Variants in RAE1 observed in about 807,000 individuals in gnomAD.
RAE1 encodes the protein ribonucleic acid export 1, also known as mRNA export factor RAE1.
RAE1 carries 13 observed loss-of-function variants against 52.7 expected under a neutral mutation model. That is an observed-to-expected ratio of 0.25 (90% CI 0.16 to 0.39). The LOEUF (loss-of-function observed/expected upper bound fraction) is 0.39, where lower values mean the gene tolerates loss of function less well. Ranked by LOEUF, RAE1 falls within the 10% of genes least tolerant of loss-of-function variation. The probability of loss-of-function intolerance (pLI) is 1.00; values close to 1 mark genes in which losing one functional copy is unlikely to be tolerated. For missense variants in RAE1, 262 were observed against 459.8 expected (o/e 0.57, Z 3.93); for synonymous variants, 164 against 153.1 (o/e 1.07, Z -0.52).
chr20:57,375,024 AGT>A (rs2146179983), intron 11 of RAE1: 1 of 710,072 alleles, frequency 1.4e-6, no homozygotes, highest in Admixed American at 2.0e-5. Context: ...GTGCTCGGCC[AGT>A]GTGAGCCATT....
chr20:57,366,643 C>G (rs1242678410), intron 5 of RAE1, among the ~76,000 whole-genome samples, 164 bp from the exon 6 acceptor site: 2 of 140,956 alleles, frequency 1.4e-5, no homozygotes, highest in Non-Finnish European at 3.1e-5. Flanking sequence ...CATGCAAACT[C>G]TGTCAGTGAG....
At chr20:57,358,938 T>A in intron 4 of RAE1, 1 of 1,415,910 alleles carries the variant, frequency 7.1e-7, no homozygotes, top group Non-Finnish European at 9.2e-7. Flanking sequence ...GAATTAAAGC[T>A]CCATAAGGTT....
chr20:57,367,532 C>T (rs1262266198), intron 7 of RAE1, among the ~76,000 whole-genome samples: 1 of 151,992 alleles, frequency 6.6e-6, no homozygotes, highest in East Asian at 1.9e-4. Flanking sequence ...TGCTTGAGGT[C>T]AGGAGTTCGA....
chr20:57,368,010 C>T (rs1329593474), intron 7 of RAE1, among the ~76,000 whole-genome samples: 2 of 152,102 alleles, frequency 1.3e-5, no homozygotes, highest in African/African-American at 4.8e-5. Context: ...CTGCTTCAGC[C>T]TCCCGTTAAC....
intron 11 of RAE1, among the ~76,000 whole-genome samples, chr20:57,376,819 C>A (rs546337217): frequency 6.6e-6 from 1 of 152,082 alleles, no homozygotes; most frequent in Non-Finnish European, 1.5e-5. Flanking sequence ...TTAAATGACG[C>A]GGGACTCTAT....
intron 1 of RAE1, 136 bp downstream of exon 1, chr20:57,351,558 C>T (rs961456925): frequency 1.3e-5 from 13 of 985,244 alleles, no homozygotes; most frequent in East Asian, 1.1e-4. Context: ...CGTTACTGGG[C>T]CCTGGAAGCG....
chr20:57,367,428 TG>T (rs956114885), intron 7 of RAE1, among the ~76,000 whole-genome samples: 56 of 152,170 alleles, frequency 3.7e-4, no homozygotes, highest in African/African-American at 1.2e-3. Flanking sequence ...CTTTGGGGAC[TG>T]TTTCTGAGTG....
intron 4 of RAE1, among the ~76,000 whole-genome samples, chr20:57,362,982 T>C (rs1600715920): frequency 1.3e-5 from 2 of 152,264 alleles, no homozygotes; most frequent in East Asian, 1.9e-4. Context: ...GGTTTCGCCA[T>C]GTTGCCGAGA....
chr20:57,351,673 T>A, intron 1 of RAE1: 1 of 985,470 alleles, frequency 1.0e-6, no homozygotes, highest in African/African-American at 1.7e-5. Flanking sequence ...GTTAATGCAG[T>A]GTGTGTCGCC....
chr20:57,361,916 A>G (rs1600714943), intron 4 of RAE1, among the ~76,000 whole-genome samples: 2 of 152,240 alleles, frequency 1.3e-5, no homozygotes, highest in Non-Finnish European at 2.9e-5. Flanking sequence ...CAGGAGGTGA[A>G]TGGTGGGCCA....
intron 10 of RAE1, among the ~76,000 whole-genome samples, chr20:57,374,169 C>G (rs113274343): frequency 6.6e-6 from 1 of 152,178 alleles, no homozygotes; most frequent in Non-Finnish European, 1.5e-5. Flanking sequence ...CGTGAGCCAC[C>G]GCACTTGGCC....
At chr20:57,362,219 T>C (rs191092738) in intron 4 of RAE1, among the ~76,000 whole-genome samples, 165 of 152,374 alleles carry the variant, frequency 1.1e-3, no homozygotes, top group Middle Eastern at 3.4e-3. Context: ...GAAATAATTC[T>C]GTGTATAAAC....
At chr20:57,360,593 A>G (rs1272779819) in intron 4 of RAE1, among the ~76,000 whole-genome samples, 1 of 152,200 alleles carries the variant, frequency 6.6e-6, no homozygotes, top group African/African-American at 2.4e-5. Flanking sequence ...ATCTAATCCC[A>G]GTTCTTGTCT....
Position 57,361,135 on chromosome 20 carries a change from A to G in RAE1, c.289-4221A>G, listed in dbSNP as rs190685184. Among the ~76,000 whole-genome samples the G allele has an allele frequency of 6.6e-5, 10 of 152,324 alleles. No homozygotes were observed. In the South Asian group the frequency reaches 8.3e-4, roughly 13 times the overall value. ...GAAAGAAATAGAAATAGTTGCTTAC[A>G]GTTCTGGAAATTCAGGGTCTTTAAA... On this transcript the variant is annotated intron_variant, in intron 4 of 11. Coordinates refer to ENST00000395841, the MANE Select transcript of RAE1 (RefSeq NM_003610.4).
chr20:57,355,800 A>AG (rs1166567795), intron 3 of RAE1, among the ~76,000 whole-genome samples: 1 of 152,220 alleles, frequency 6.6e-6, no homozygotes, highest in Non-Finnish European at 1.5e-5. Flanking sequence ...ATGGTAGTCA[A>AG]GGTTGAGCAA....
chr20:57,356,709 C>G (rs2066793107), intron 4 of RAE1, among the ~76,000 whole-genome samples, 171 bp downstream of exon 4: 1 of 152,218 alleles, frequency 6.6e-6, no homozygotes, highest in Non-Finnish European at 1.5e-5. Context: ...CTTTAGTTAG[C>G]CACTTTCTTT....
chr20:57,367,044 T>C lies in RAE1; in HGVS notation c.499T>C (p.Leu167=). The C allele has an allele frequency of 6.2e-7, 1 of 1,609,656 alleles. No homozygotes were observed. Among genetic ancestry groups the C allele is most frequent in the Non-Finnish European group, 8.5e-7 (1 of 1,175,932 alleles). Residue 167 remains leucine, a synonymous_variant, in exon 7 of 12, where the codon TTG becomes CTG. Transcript: ENST00000395841. The stretch of plus-strand genomic sequence containing the variant: ...TCGATCGTCAAATCCTATGATGGTT[T>C]TGCAACTCCCTGAAAGGTGTTACTG... The part of the protein sequence containing the change: ...DTRSSNPMMV[L]QLPERCYCAD...
chr20:57,376,985 A>G (rs1388795388), intron 11 of RAE1, among the ~76,000 whole-genome samples: 2 of 152,238 alleles, frequency 1.3e-5, no homozygotes, highest in Non-Finnish European at 2.9e-5. Context: ...TTTAGTTTAA[A>G]AGAGAAATTT....
intron 11 of RAE1, among the ~76,000 whole-genome samples, chr20:57,375,943 C>T (rs1268236197): frequency 6.6e-6 from 1 of 152,212 alleles, no homozygotes; most frequent in Admixed American, 6.5e-5. Context: ...CCTTGCTGGC[C>T]CCCCGCTATC....
Sources: gnomAD v4.1 joint callset for allele counts (sites outside exome capture counted in the v4.1 genomes callset) on GRCh38, gnomAD v4.1.1 for gene constraint, MANE v1.5 for transcripts, NCBI Gene and HGNC (gene_info 2026-07-23, HGNC 2026-07-21) for gene names.